Variants in TRPM3 observed in about 807,000 individuals in gnomAD.
The protein encoded by TRPM3 is transient receptor potential cation channel subfamily M member 3, also known as long transient receptor potential channel 3.
TRPM3 carries 77 observed loss-of-function variants against 181.2 expected under a neutral mutation model. The observed-to-expected ratio is 0.42, with a 90% CI of 0.35 to 0.51. The LOEUF is 0.51. Among genes scored for constraint, TRPM3 ranks in the 20% least tolerant of loss-of-function variants. The probability of loss-of-function intolerance (pLI) is 0.01; values close to 1 mark genes in which losing one functional copy is unlikely to be tolerated. For missense variants in TRPM3, 1,759 were observed against 2,196.7 expected (o/e 0.80, Z 3.98); for synonymous variants, 745 against 796.4 (o/e 0.94, Z 1.09).
intron 1 of TRPM3, among the ~76,000 whole-genome samples, chr9:70,900,478 A>C (rs1334490750): frequency 2.6e-5 from 4 of 152,228 alleles, no homozygotes; most frequent in Non-Finnish European, 5.9e-5. Context: ...AATAGACCAG[A>C]GCATTATAGG....
intron 1 of TRPM3, among the ~76,000 whole-genome samples, chr9:71,419,014 G>A (rs2131516039): frequency 6.6e-6 from 1 of 150,782 alleles, no homozygotes; most frequent in South Asian, 2.1e-4. Flanking sequence ...ACTGTGCCAT[G>A]AACTTCAAGA....
At chr9:70,863,701 G>A (rs755036435) in intron 2 of TRPM3, among the ~76,000 whole-genome samples, 49 of 152,148 alleles carry the variant, frequency 3.2e-4, no homozygotes, top group Non-Finnish European at 6.3e-4. Context: ...TCATGAAAAT[G>A]TCCTTCATAC....
chr9:70,676,471 G>A (rs1190414615), intron 9 of TRPM3, among the ~76,000 whole-genome samples: 1 of 152,172 alleles, frequency 6.6e-6, no homozygotes, highest in African/African-American at 2.4e-5. Flanking sequence ...TGATGTATGA[G>A]GGATGCTGAC....
Position 70,532,087 on chromosome 9 carries a change from A to G in TRPM3, c.*3866T>C, listed in dbSNP as rs1419767948. 1 of 152,230 alleles carries G rather than the reference A, an allele frequency of 6.6e-6. No homozygotes were observed. Among genetic ancestry groups the G allele is most frequent in the East Asian group, 1.9e-4 (1 of 5,204 alleles). The allele number at this position is 152,230 out of a possible 1,614,324, so 9.4% of individuals were successfully genotyped here. A position where few individuals can be genotyped will look rare whatever the true frequency, so the allele number is the denominator to read the frequency against. On this transcript the variant is annotated 3_prime_UTR_variant, in exon 26 of 26. Transcript: ENST00000677713. ...TTAAACATGGGTTACATACATGTTT[A>G]CATGTGTTTTATAATACAGCATTGC... is the stretch of plus-strand genomic sequence containing the variant.
intron 1 of TRPM3, among the ~76,000 whole-genome samples, chr9:71,307,443 A>C (rs2132372708): frequency 6.6e-6 from 1 of 152,262 alleles, no homozygotes; most frequent in South Asian, 2.1e-4. Flanking sequence ...ATATGTTTAC[A>C]TATTTACTGT....
intron 1 of TRPM3, among the ~76,000 whole-genome samples, chr9:70,989,856 C>G (rs2097459718): frequency 6.6e-6 from 1 of 152,172 alleles, no homozygotes; most frequent in African/African-American, 2.4e-5. Context: ...TCATGGGAAT[C>G]TCTATTTCCA....
intron 1 of TRPM3, among the ~76,000 whole-genome samples, chr9:70,914,174 T>C (rs2096567031): frequency 1.3e-5 from 2 of 152,198 alleles, no homozygotes; most frequent in South Asian, 2.1e-4. Flanking sequence ...TTAATGCCCA[T>C]ATAAAAGAGG....
intron 1 of TRPM3, among the ~76,000 whole-genome samples, chr9:71,134,982 A>C (rs1263089517): frequency 2.0e-5 from 3 of 152,208 alleles, no homozygotes; most frequent in Admixed American, 6.5e-5. Flanking sequence ...AACAAAGAGA[A>C]AGTCAATGAC....
intron 1 of TRPM3, among the ~76,000 whole-genome samples, chr9:70,886,518 C>T (rs1403768418): frequency 1.3e-5 from 2 of 152,148 alleles, no homozygotes; most frequent in Non-Finnish European, 2.9e-5. Context: ...TTACTTCTAC[C>T]ACCTTTGCTG....
chr9:70,664,960 C>G (rs947449408), intron 9 of TRPM3, among the ~76,000 whole-genome samples: 2 of 152,148 alleles, frequency 1.3e-5, no homozygotes, highest in African/African-American at 4.8e-5. Flanking sequence ...AGGAACGTAC[C>G]TCTCACGCCC....
chr9:70,971,531 T>C (rs2097246498), intron 1 of TRPM3, among the ~76,000 whole-genome samples: 1 of 152,022 alleles, frequency 6.6e-6, no homozygotes, highest in Admixed American at 6.6e-5. Context: ...TAGGGATGAA[T>C]TGTCTTTCAG....
intron 6 of TRPM3, chr9:70,793,696 AC>A (rs2086235966): frequency 2.1e-6 from 1 of 468,442 alleles, no homozygotes; most frequent in South Asian, 1.6e-5. Flanking sequence ...AACTATGAAA[AC>A]CTGGCAGGAA....
At chr9:71,378,669 C>A (rs1034530213) in intron 1 of TRPM3, among the ~76,000 whole-genome samples, 1 of 151,936 alleles carries the variant, frequency 6.6e-6, no homozygotes, top group African/African-American at 2.4e-5. Context: ...GAGAGTGTTT[C>A]TATGTTGTCA....
intron 1 of TRPM3, among the ~76,000 whole-genome samples, chr9:71,001,213 A>G (rs3095768): frequency 0.91 from 138,285 of 152,210 alleles, 62,913 homozygotes; most frequent in East Asian, 1. Flanking sequence ...GGGGCAGGTG[A>G]TGTGTGGCCC....
At chr9:70,971,726 C>G (rs1225422272) in intron 1 of TRPM3, among the ~76,000 whole-genome samples, 2 of 152,150 alleles carry the variant, frequency 1.3e-5, no homozygotes, top group Non-Finnish European at 2.9e-5. Flanking sequence ...ACATATAGGA[C>G]TGAGAAGAGG....
At chr9:71,440,311 T>C (rs966104299) in intron 1 of TRPM3, among the ~76,000 whole-genome samples, 8 of 152,182 alleles carry the variant, frequency 5.3e-5, no homozygotes, top group African/African-American at 1.9e-4. Flanking sequence ...ATCTGCTCAG[T>C]TCCAGAGCCA....
chr9:70,586,550 T>C (rs1363676842), intron 22 of TRPM3, among the ~76,000 whole-genome samples: 1 of 152,224 alleles, frequency 6.6e-6, no homozygotes, highest in East Asian at 1.9e-4. Flanking sequence ...CCTTAGCAAT[T>C]TGTGAAAACA....
intron 1 of TRPM3, among the ~76,000 whole-genome samples, chr9:70,982,984 C>T (rs1236585173): frequency 6.6e-6 from 1 of 152,148 alleles, no homozygotes; most frequent in East Asian, 1.9e-4. Flanking sequence ...TAGGGGTGAG[C>T]CACCACACCT....
At chr9:71,128,681 C>A (rs1419283961) in intron 1 of TRPM3, among the ~76,000 whole-genome samples, 2 of 152,116 alleles carry the variant, frequency 1.3e-5, no homozygotes, top group African/African-American at 4.8e-5. Flanking sequence ...TAAATTTGAC[C>A]AACTTGATAA....
Sources: gnomAD v4.1 joint callset for allele counts (sites outside exome capture counted in the v4.1 genomes callset) on GRCh38, gnomAD v4.1.1 for gene constraint, MANE v1.5 for transcripts, NCBI Gene and HGNC (gene_info 2026-07-23, HGNC 2026-07-21) for gene names.